CALHM4: variants seen among roughly 807,000 people sequenced by gnomAD.
CALHM4 encodes calcium homeostasis modulator family member 4.
In CALHM4, 16 loss-of-function variants were observed where a neutral mutation model predicts 13.3. That is an observed-to-expected ratio of 1.20 (90% CI 0.81 to 1.82). The LOEUF is 1.82. Ranked by LOEUF, CALHM4 falls within the 40% of genes most tolerant of loss-of-function variation. CALHM4 has a pLI of 0.00. For synonymous variants in CALHM4, 127 were observed against 137.1 expected (o/e 0.93, Z 0.52); for missense variants, 344 against 374.9 (o/e 0.92, Z 0.68).
rs1265993113 is a variant in CALHM4 at position 116,558,716 on chromosome 6, GTC to G, written c.*506_*507del. Reference sequence around the variant, plus strand: ...TTATCAGTTTCTACCTTTATATAATGTCCAGAACTTTTCACAGCCTCCCCCTC... The same window carrying G: ...TTATCAGTTTCTACCTTTATATAATGCAGAACTTTTCACAGCCTCCCCCTC... On this transcript the variant is annotated 3_prime_UTR_variant, in exon 2 of 2. Transcript: ENST00000368596. 2.0e-5 allele frequency: 3 copies of G among 152,392 alleles called. No individual in the cohort carries two copies. The highest frequency in any genetic ancestry group is 3.9e-4 in the East Asian group (2 of 5,184). 9.4% of individuals were successfully genotyped at this position (152,392 alleles called of 1,614,324 possible). A position where few individuals can be genotyped will look rare whatever the true frequency, so the allele number is the denominator to read the frequency against.
At chr6:116,543,645 T>C (rs1363502087) in intron 1 of CALHM4, 1 of 676,718 alleles carries the variant, frequency 1.5e-6, no homozygotes, top group Non-Finnish European at 2.5e-6. Flanking sequence ...ATAACATCTT[T>C]CTATGCATTT....
chr6:116,555,262 C>G (rs1774259600), intron 1 of CALHM4, among the ~76,000 whole-genome samples: 1 of 151,748 alleles, frequency 6.6e-6, no homozygotes, highest in African/African-American at 2.4e-5. Flanking sequence ...TAATACTAGC[C>G]CTAATGCTCA....
At chr6:116,556,232 C>T (rs1399968762) in intron 1 of CALHM4, among the ~76,000 whole-genome samples, 1 of 152,218 alleles carries the variant, frequency 6.6e-6, no homozygotes, top group African/African-American at 2.4e-5. Flanking sequence ...TTCCATTGTG[C>T]TTCCTCGGGT....
Position 116,553,755 on chromosome 6 carries a change from GA to G in CALHM4, c.-36del, listed in dbSNP as rs1156283601. The G allele has an allele frequency of 4.6e-6, 7 of 1,523,464 alleles. No individual in the cohort carries two copies. The East Asian group carries it at 1.2e-4, about 27-fold the overall frequency. The allele number at this position is 1,523,464 out of a possible 1,614,324, so 94.4% of individuals were successfully genotyped here. On this transcript the variant is annotated 5_prime_UTR_variant, in exon 1 of 2. Coordinates refer to ENST00000368596, the MANE Select transcript of CALHM4 (RefSeq NM_001366078.2). ...TATAGCTGGTGGAGTCTAATGATCA[GA>G]AAGGGCCACAAGCTGATTTGTGTAA... is the stretch of plus-strand genomic sequence containing the variant.
chr6:116,540,344 G>A, intron 1 of CALHM4: 1 of 1,544,620 alleles, frequency 6.5e-7, no homozygotes, highest in Non-Finnish European at 8.8e-7. Context: ...CATATTGACA[G>A]AGATAAAAAC....
At chr6:116,543,199 G>T in intron 1 of CALHM4, 1 of 794,824 alleles carries the variant, frequency 1.3e-6, no homozygotes, top group Non-Finnish European at 1.9e-6. Context: ...TGAGACAGAA[G>T]AACAGCTGGT....
intron 1 of CALHM4, among the ~76,000 whole-genome samples, chr6:116,530,627 C>T (rs1356294834): frequency 6.6e-6 from 1 of 152,120 alleles, no homozygotes. Flanking sequence ...TGCTAATGGT[C>T]TAAAATATTT....
At chr6:116,540,419 G>A (rs765754172) in intron 1 of CALHM4, 51 of 1,551,124 alleles carry the variant, frequency 3.3e-5, no homozygotes, top group Middle Eastern at 1.7e-4. Context: ...ACGCAGGATC[G>A]AGCCAAAAAG....
At chr6:116,557,088 C>A (rs1281799236) in intron 1 of CALHM4, among the ~76,000 whole-genome samples, 1 of 151,892 alleles carries the variant, frequency 6.6e-6, no homozygotes, top group African/African-American at 2.4e-5. Context: ...CAGGCATGTG[C>A]CACCATGCCC....
In CALHM4 at chr6:116,558,159, T is replaced by C. The variant is rs746801759; in HGVS notation, c.893T>C (p.Val298Ala). 3.1e-6 allele frequency: 5 copies of C among 1,613,904 alleles called. No homozygotes were observed. In the East Asian group the frequency reaches 1.1e-4, roughly 36 times the overall value. Residue 298 changes from valine to alanine, a missense_variant, in exon 2 of 2, where the codon GTG (valine) becomes GCG (alanine). Val to Ala is a moderately conservative substitution (Grantham distance 64). Transcript: ENST00000368596. ...CACTATAGCTTCCTTGGAAATAGGGTGGATGAGGATAATGAGGAAGACAGA... is the reference window on the plus strand; with the variant it reads ...CACTATAGCTTCCTTGGAAATAGGGCGGATGAGGATAATGAGGAAGACAGA... ...QGHYSFLGNR[V>A]DEDNEEDRSR...
chr6:116,559,212 C>A lies in CALHM4; in HGVS notation c.*1001C>A, dbSNP rs1019571692. On this transcript the variant is annotated 3_prime_UTR_variant, in exon 2 of 2. Transcript: ENST00000368596. ...ATTATTTCTGTGATATATAGTGACT[C>A]GTGCCTGATTTTTGCTACGTTCACT... is the stretch of plus-strand genomic sequence containing the variant. Among the ~76,000 whole-genome samples, 1 of 152,158 alleles carries A rather than the reference C, an allele frequency of 6.6e-6. No individual in the cohort carries two copies. Among genetic ancestry groups the A allele is most frequent in the Non-Finnish European group, 1.5e-5 (1 of 68,012 alleles).
upstream of CALHM4, among the ~76,000 whole-genome samples, chr6:116,550,254 G>C (rs561349510): frequency 6.6e-6 from 1 of 151,998 alleles, no homozygotes. Context: ...GTGTGGTATA[G>C]TTTTGAGAGT....
intron 2 of CALHM4, among the ~76,000 whole-genome samples, chr6:116,546,820 A>C (rs1474281715): frequency 6.6e-6 from 1 of 152,184 alleles, no homozygotes; most frequent in Non-Finnish European, 1.5e-5. Flanking sequence ...CCATCACTGC[A>C]TATGTTCTAT....
In CALHM4 at chr6:116,553,846, T is replaced by C; in HGVS notation, c.53T>C (p.Phe18Ser). The C allele has an allele frequency of 6.4e-7, 1 of 1,550,648 alleles. No homozygotes were observed. The highest frequency in any genetic ancestry group is 8.7e-7 in the Non-Finnish European group (1 of 1,147,008). ...IVSSLQRNGI[F>S]INSLIAALTI... ...TCTTCTCTGCAGAGAAATGGAATAT[T>C]TATCAATTCTTTAATTGCAGCCTTG... Residue 18 changes from phenylalanine (F) to serine (S), a missense_variant, in exon 1 of 2, where the codon TTT becomes TCT. Transcript: ENST00000368596.
At chr6:116,544,131 A>G (rs1382755873) in intron 2 of CALHM4, among the ~76,000 whole-genome samples, 2 of 142,908 alleles carry the variant, frequency 1.4e-5, no homozygotes, top group Non-Finnish European at 3.1e-5. Flanking sequence ...GCTACAGCAT[A>G]AAGATAAGCA....
At chr6:116,533,564 G>A (rs534936324) in intron 1 of CALHM4, among the ~76,000 whole-genome samples, 2 of 152,286 alleles carry the variant, frequency 1.3e-5, no homozygotes, top group Admixed American at 6.5e-5. Context: ...AATTTAAAAC[G>A]GCAATAGAAA....
intron 2 of CALHM4, among the ~76,000 whole-genome samples, chr6:116,544,837 A>G (rs1773676224): frequency 6.6e-6 from 1 of 152,130 alleles, no homozygotes; most frequent in Non-Finnish European, 1.5e-5. Flanking sequence ...CAGTCTCCTG[A>G]CATAATTAAC....
At chr6:116,535,916 A>C (rs1486641537) in intron 1 of CALHM4, among the ~76,000 whole-genome samples, 1 of 152,202 alleles carries the variant, frequency 6.6e-6, no homozygotes, top group Non-Finnish European at 1.5e-5. Context: ...CAATTATTCT[A>C]TCAGTAAAAT....
In CALHM4 at chr6:116,560,645, T is replaced by C. The variant is rs1288918690; in HGVS notation, c.*2434T>C. 2.6e-5 allele frequency among the ~76,000 whole-genome samples: 1 copy of C among 38,822 alleles called. No homozygotes were observed. Among genetic ancestry groups the C allele is most frequent in the Admixed American group, 2.7e-4 (1 of 3,724 alleles). 25.5% of individuals were successfully genotyped at this position (38,822 alleles called of 152,430 possible). A position where few individuals can be genotyped will look rare whatever the true frequency, so the allele number is the denominator to read the frequency against. ...CAGATCAAATAAATGGAATTTTTAGTATTTTGGGGGGGGGGGGGGCTATGG... is the reference window on the plus strand; with the variant it reads ...CAGATCAAATAAATGGAATTTTTAGCATTTTGGGGGGGGGGGGGGCTATGG... On this transcript the variant is annotated 3_prime_UTR_variant, in exon 2 of 2. Transcript: ENST00000368596.
Sources: allele counts gnomAD v4.1 joint callset (sites outside exome capture counted in the v4.1 genomes callset), GRCh38; gene constraint gnomAD v4.1.1; transcripts MANE v1.5; gene names NCBI Gene and HGNC (gene_info 2026-07-23, HGNC 2026-07-21).